Variants in NBAS observed in about 807,000 individuals in gnomAD.
NBAS encodes the protein NAG/BC035112 fusion.
A neutral mutation model predicts 302.5 loss-of-function variants in NBAS; 219 were observed. The ratio of observed to expected loss-of-function variants is 0.72; its 90% CI spans 0.65 to 0.81. NBAS has a LOEUF of 0.81. Among genes scored for constraint, NBAS ranks in the 30% least tolerant of loss-of-function variants. The pLI, the probability that NBAS is intolerant of heterozygous loss-of-function variation, is 0.00. For missense variants in NBAS, 2,932 were observed against 2,841.6 expected (o/e 1.03, Z -0.72); for synonymous variants, 1,118 against 1,021.6 (o/e 1.09, Z -1.80).
the NBAS span, among the ~76,000 whole-genome samples, chr2:14,853,901 A>G: frequency 8.6e-6 from 1 of 115,946 alleles, no homozygotes; most frequent in Non-Finnish European, 1.7e-5. Context: ...GAAGGGGAAT[A>G]TCACACTCTG....
chr2:14,883,591 A>C, the NBAS span, among the ~76,000 whole-genome samples: 5 of 152,150 alleles, frequency 3.3e-5, no homozygotes, highest in African/African-American at 1.2e-4. Flanking sequence ...GTCAAGAAAT[A>C]AGAATTCTAA....
intron 51 of NBAS, among the ~76,000 whole-genome samples, chr2:15,169,280 T>C (rs1489720974): frequency 6.6e-6 from 1 of 152,144 alleles, no homozygotes; most frequent in African/African-American, 2.4e-5. Context: ...TTTACCTTTG[T>C]TTTTGTTTTT....
At chr2:14,874,353 A>G in the NBAS span, among the ~76,000 whole-genome samples, 17 of 152,160 alleles carry the variant, frequency 1.1e-4, no homozygotes, top group East Asian at 5.8e-4. Flanking sequence ...GAGGCTGGGC[A>G]CGGTGGCTCA....
chr2:15,001,403 ATC>A, the NBAS span, among the ~76,000 whole-genome samples: 1 of 152,210 alleles, frequency 6.6e-6, no homozygotes, highest in Non-Finnish European at 1.5e-5. Context: ...CTTATTGAAT[ATC>A]TCCCATATAT....
At chr2:15,392,239 T>G (rs1453167171) in intron 28 of NBAS, among the ~76,000 whole-genome samples, 1 of 151,416 alleles carries the variant, frequency 6.6e-6, no homozygotes, top group Non-Finnish European at 1.5e-5. Flanking sequence ...TAAAAGTAAA[T>G]TATATGACAA....
chr2:14,966,201 T>C, the NBAS span, among the ~76,000 whole-genome samples: 1 of 152,188 alleles, frequency 6.6e-6, no homozygotes, highest in East Asian at 1.9e-4. Context: ...TCCAGAACTA[T>C]GAGAGAATAA....
At chr2:15,449,078 T>C (rs934768212) in intron 21 of NBAS, among the ~76,000 whole-genome samples, 4 of 152,170 alleles carry the variant, frequency 2.6e-5, no homozygotes, top group Non-Finnish European at 5.9e-5. Flanking sequence ...AGTCTAGTAA[T>C]AGCATCCTTC....
the NBAS span, among the ~76,000 whole-genome samples, chr2:14,914,784 T>C: frequency 6.6e-6 from 1 of 152,182 alleles, no homozygotes; most frequent in Non-Finnish European, 1.5e-5. Context: ...AGATAAGCGA[T>C]TCAGAAGGTG....
the NBAS span, among the ~76,000 whole-genome samples, chr2:15,038,651 T>G: frequency 6.6e-6 from 1 of 152,114 alleles, no homozygotes; most frequent in East Asian, 1.9e-4. Flanking sequence ...TCAGGTGGGT[T>G]TGCAGAGTGA....
intron 40 of NBAS, among the ~76,000 whole-genome samples, chr2:15,307,589 C>T (rs1020125490): frequency 6.6e-6 from 1 of 152,122 alleles, no homozygotes; most frequent in Non-Finnish European, 1.5e-5. Flanking sequence ...ATAATTAAAA[C>T]TGGTCTGTCT....
the NBAS span, among the ~76,000 whole-genome samples, chr2:14,783,427 G>C: frequency 1.3e-5 from 2 of 149,478 alleles, no homozygotes; most frequent in South Asian, 2.2e-4. Context: ...CCATTAACTC[G>C]TCATTTAGCA....
chr2:15,485,863 G>A (rs1680604609), intron 12 of NBAS, among the ~76,000 whole-genome samples: 1 of 152,086 alleles, frequency 6.6e-6, no homozygotes, highest in Non-Finnish European at 1.5e-5. Flanking sequence ...GGAGATGACA[G>A]GTTCACAGAG....
the NBAS span, among the ~76,000 whole-genome samples, chr2:14,988,291 A>G: frequency 6.6e-6 from 1 of 152,210 alleles, no homozygotes; most frequent in East Asian, 1.9e-4. Context: ...TTAATGGGAG[A>G]AACTATAGCT....
chr2:15,545,310 G>A (rs1236809190), intron 6 of NBAS, among the ~76,000 whole-genome samples: 1 of 152,010 alleles, frequency 6.6e-6, no homozygotes, highest in Non-Finnish European at 1.5e-5. Context: ...CCTGTATGCA[G>A]AAGAAAGGAA....
the NBAS span, among the ~76,000 whole-genome samples, chr2:14,854,541 T>TAA: frequency 8.4e-5 from 12 of 142,958 alleles, no homozygotes; most frequent in African/African-American, 2.8e-4. Context: ...GAGATAAAAT[T>TAA]AAAAAAAAAA....
At chr2:15,208,604 C>CT (rs1361713211) in intron 48 of NBAS, among the ~76,000 whole-genome samples, 1 of 152,098 alleles carries the variant, frequency 6.6e-6, no homozygotes, top group African/African-American at 2.4e-5. Flanking sequence ...GAATATACTT[C>CT]TTTTCCTCAG....
the NBAS span, among the ~76,000 whole-genome samples, chr2:14,962,120 T>C: frequency 6.6e-6 from 1 of 152,122 alleles, no homozygotes; most frequent in Non-Finnish European, 1.5e-5. Flanking sequence ...CCAAAATGTA[T>C]TAGAATTATG....
chr2:15,078,108 G>A, the NBAS span, among the ~76,000 whole-genome samples: 1 of 152,186 alleles, frequency 6.6e-6, no homozygotes, highest in Non-Finnish European at 1.5e-5. Context: ...AAAGCCCCAA[G>A]GTGTGGTAGG....
the NBAS span, among the ~76,000 whole-genome samples, chr2:14,931,114 C>G: frequency 2.0e-5 from 3 of 152,212 alleles, no homozygotes; most frequent in Non-Finnish European, 4.4e-5. Context: ...TGTTAAGGAA[C>G]TGGGATTTCC....
Sources: gnomAD v4.1 joint callset for allele counts (sites outside exome capture counted in the v4.1 genomes callset) on GRCh38, gnomAD v4.1.1 for gene constraint, MANE v1.5 for transcripts, NCBI Gene and HGNC (gene_info 2026-07-23, HGNC 2026-07-21) for gene names.